The following TSKU variants were observed in gnomAD, a reference collection of about 807,000 sequenced individuals.
The protein encoded by TSKU is tsukushi, small leucine rich proteoglycan, also known as tsukushi.
Under a neutral mutation model 11.2 loss-of-function variants are expected in TSKU, and 4 were observed. The observed-to-expected ratio is 0.36, with a 90% CI of 0.18 to 0.82. The LOEUF (loss-of-function observed/expected upper bound fraction) is 0.82, where lower values mean the gene tolerates loss of function less well. Ranked by LOEUF, TSKU falls within the 40% of genes least tolerant of loss-of-function variation. The probability of loss-of-function intolerance (pLI) is 0.50; values close to 1 mark genes in which losing one functional copy is unlikely to be tolerated. For synonymous variants in TSKU, 220 were observed against 232.2 expected (o/e 0.95, Z 0.48); for missense variants, 407 against 482.5 (o/e 0.84, Z 1.47).
intron 1 of TSKU, among the ~76,000 whole-genome samples, chr11:76,789,210 CA>C (rs1944341070): frequency 6.6e-6 from 1 of 152,190 alleles, no homozygotes; most frequent in Non-Finnish European, 1.5e-5. Flanking sequence ...GAGAGTTGTT[CA>C]AAGTCCATCA....
At chr11:76,795,414 C>T (rs952592516) in intron 1 of TSKU, among the ~76,000 whole-genome samples, 195 bp from the exon 2 acceptor site, 1 of 152,232 alleles carries the variant, frequency 6.6e-6, no homozygotes, top group African/African-American at 2.4e-5. Context: ...TGGCCTCACG[C>T]CCCTTACCAT....
chr11:76,796,176 A>C lies in TSKU; in HGVS notation c.560A>C (p.Gln187Pro). The C allele has an allele frequency of 6.2e-7, 1 of 1,613,398 alleles. No individual in the cohort carries two copies. Among genetic ancestry groups the C allele is most frequent in the Non-Finnish European group, 8.5e-7 (1 of 1,179,954 alleles). ...TRAGLPAPTI[Q>P]SLNLAWNRLH... ...GCCGGCCTGCCTGCGCCCACCATTC[A>C]GAGCCTGAACCTGGCCTGGAACCGG... Residue 187 changes from glutamine (Q) to proline (P), a missense_variant, in exon 2 of 2, where the codon CAG becomes CCG. Physicochemically the swap from Gln to Pro is moderately conservative, Grantham distance 76 (BLOSUM62 -1). Transcript: ENST00000333090. The surrounding 1 kb of genome is among the most constrained non-coding windows in gnomAD (Gnocchi z 4.1).
intron 1 of TSKU, among the ~76,000 whole-genome samples, chr11:76,790,675 C>T (rs374892746): frequency 3.6e-4 from 55 of 152,244 alleles, no homozygotes; most frequent in Middle Eastern, 6.8e-3. Context: ...TTTTGCCCTC[C>T]GCCATGATTG....
At chr11:76,782,802 C>T (rs991387976), upstream of TSKU, 2 of 152,166 alleles carry the variant, frequency 1.3e-5, no homozygotes, top group African/African-American at 4.8e-5. Context: ...GCCAGTCTTT[C>T]TCTGCTTCAG....
Position 76,795,678 on chromosome 11 carries a change from T to G in TSKU, c.62T>G (p.Phe21Cys). ...GGGGCCCAGACAACCCGGCCATGCT[T>G]CCCCGGGTGCCAATGCGAGGTGGAG... is the stretch of plus-strand genomic sequence containing the variant. ...VSGAQTTRPC[F>C]PGCQCEVETF... is the part of the protein sequence containing the mutation. The change falls in exon 2 of 2, where the codon TTC (phenylalanine) becomes TGC (cysteine). Residue 21 changes from phenylalanine (F) to cysteine (C), a missense_variant. By Grantham distance (205) the Phe-to-Cys change is radical. Transcript: ENST00000333090. 1 of 1,614,028 alleles carries G rather than the reference T, an allele frequency of 6.2e-7. No individual in the cohort carries two copies. Among genetic ancestry groups the G allele is most frequent in the Non-Finnish European group, 8.5e-7 (1 of 1,180,028 alleles).
At chr11:76,783,343 G>A (rs1253715407), upstream of TSKU, 3 of 151,332 alleles carry the variant, frequency 2.0e-5, no homozygotes, top group Non-Finnish European at 4.4e-5. Flanking sequence ...GCGCTGGCCG[G>A]AGGGCCCGCG....
intron 1 of TSKU, among the ~76,000 whole-genome samples, chr11:76,787,174 G>C (rs930060578): frequency 6.6e-6 from 1 of 152,214 alleles, no homozygotes; most frequent in Non-Finnish European, 1.5e-5. Flanking sequence ...GAGCAGTGAA[G>C]GCCCTGTTGG....
intron 1 of TSKU, among the ~76,000 whole-genome samples, chr11:76,789,720 A>G (rs778626810): frequency 5.9e-5 from 9 of 152,186 alleles, no homozygotes; most frequent in Admixed American, 2.0e-4. Context: ...AAAATGTTGA[A>G]TCTTGACTGA....
upstream of TSKU, chr11:76,782,992 C>G (rs550336254): frequency 6.6e-6 from 1 of 152,480 alleles, no homozygotes; most frequent in East Asian, 1.9e-4. Context: ...TACACATACA[C>G]AGGCACGTAC....
chr11:76,784,757 G>GC (rs1215332381), intron 1 of TSKU, among the ~76,000 whole-genome samples: 2 of 142,544 alleles, frequency 1.4e-5, no homozygotes, highest in Non-Finnish European at 3.0e-5. Context: ...GGGGGGGGGG[G>GC]GGTGCTCAGA....
chr11:76,786,937 T>G (rs1944318308), intron 1 of TSKU, among the ~76,000 whole-genome samples: 1 of 151,304 alleles, frequency 6.6e-6, no homozygotes, highest in Admixed American at 6.6e-5. Flanking sequence ...AGCCCCTGCC[T>G]TCCCTCAGGA....
Position 76,797,601 on chromosome 11 carries a change from A to G in TSKU, c.*923A>G, listed in dbSNP as rs1944472144. 1.2e-5 allele frequency: 2 copies of G among 166,922 alleles called. No homozygotes were observed. Among genetic ancestry groups the G allele is most frequent in the Non-Finnish European group, 2.9e-5 (2 of 68,136 alleles). 10.3% of individuals were successfully genotyped at this position (166,922 alleles called of 1,614,324 possible). ...CAGCATCCAGACTGGAAACCTACCC[A>G]TTTTCCCCTGAGCATCCTCTAGATG... is the stretch of plus-strand genomic sequence containing the variant. On this transcript the variant is annotated 3_prime_UTR_variant, in exon 2 of 2. Transcript: ENST00000333090.
chr11:76,794,003 C>T (rs995480685), intron 1 of TSKU, among the ~76,000 whole-genome samples: 8 of 152,154 alleles, frequency 5.3e-5, no homozygotes, highest in African/African-American at 1.4e-4. Flanking sequence ...ATCTCCTCCC[C>T]CTCTCTCACC....
At chr11:76,784,270 G>A (rs1225530031) in intron 1 of TSKU, 1 of 152,500 alleles carries the variant, frequency 6.6e-6, no homozygotes, top group African/African-American at 2.4e-5. Context: ...GTGTGATCCA[G>A]AGTTGCGTCT....
rs745730749 is a variant in TSKU at position 76,795,638 on chromosome 11, C to T, written c.22C>T (p.Leu8=). Residue 8 remains leucine, a synonymous_variant, in exon 2 of 2, where the codon CTG becomes TTG. Transcript: ENST00000333090. ...CACCATGCCGTGGCCCCTGCTGCTG[C>T]TGCTGGCCGTGAGTGGGGCCCAGAC... is the stretch of plus-strand genomic sequence containing the variant. MPWPLLL[L]LAVSGAQTTR... 1.9e-6 allele frequency: 3 copies of T among 1,612,444 alleles called. No individual in the cohort carries two copies. In the South Asian group the frequency reaches 3.3e-5, roughly 18 times the overall value.
chr11:76,788,107 C>A, intron 1 of TSKU, among the ~76,000 whole-genome samples: 1 of 152,096 alleles, frequency 6.6e-6, no homozygotes, highest in East Asian at 1.9e-4. Flanking sequence ...GAGGGCAGGA[C>A]GTTTCTGAAC....
At chr11:76,790,796 C>G (rs1335044704) in intron 1 of TSKU, among the ~76,000 whole-genome samples, 1 of 152,154 alleles carries the variant, frequency 6.6e-6, no homozygotes, top group South Asian at 2.1e-4. Context: ...AGGACTAATA[C>G]AGTAAATTGG....
chr11:76,783,672 C>T (rs961231955), intron 1 of TSKU, among the ~76,000 whole-genome samples: 1 of 152,174 alleles, frequency 6.6e-6, no homozygotes, highest in African/African-American at 2.4e-5. Context: ...GTGCATCTCA[C>T]GTTTGTGGGT....
At chr11:76,791,754 A>T (rs937060433) in intron 1 of TSKU, 1 of 152,250 alleles carries the variant, frequency 6.6e-6, no homozygotes, top group Non-Finnish European at 1.5e-5. Flanking sequence ...GCCTGTGGGT[A>T]CACAGAAGTC....
Sources: allele counts gnomAD v4.1 joint callset (sites outside exome capture counted in the v4.1 genomes callset), GRCh38; gene constraint gnomAD v4.1.1; non-coding constraint Gnocchi (gnomAD v3.1); transcripts MANE v1.5; gene names NCBI Gene and HGNC (gene_info 2026-07-23, HGNC 2026-07-21).